NLGN3: variants seen among roughly 807,000 people sequenced by gnomAD.
NLGN3 encodes the protein neuroligin-3.
In NLGN3, 11 loss-of-function variants were observed where a neutral mutation model predicts 42.9. That is an observed-to-expected ratio of 0.26 (90% CI 0.16 to 0.42). The LOEUF (loss-of-function observed/expected upper bound fraction) is 0.42, where lower values mean the gene tolerates loss of function less well. Among genes scored for constraint, NLGN3 ranks in the 10% least tolerant of loss-of-function variants. NLGN3 has a pLI of 1.00. For synonymous variants in NLGN3, 279 were observed against 312.7 expected (o/e 0.89, Z 1.14); for missense variants, 374 against 733.8 (o/e 0.51, Z 5.67).
At chrX:71,154,567 A>G (rs750399228) in intron 4 of NLGN3, among the ~76,000 whole-genome samples, 34 of 111,843 alleles carry the variant, frequency 3.0e-4, no homozygotes, top group African/African-American at 8.8e-4. Flanking sequence ...CCCATCCCCA[A>G]TGCTTCTGGT....
chrX:71,158,155 G>A (rs932552999), intron 5 of NLGN3, among the ~76,000 whole-genome samples: 8 of 109,682 alleles, frequency 7.3e-5, no homozygotes, highest in Admixed American at 3.9e-4. Context: ...ATGGCTCATC[G>A]CAGCCTCGAC....
At position 71,170,931 on chromosome X, in the gene NLGN3, G is replaced by A. The variant is rs1411214374; in HGVS notation, c.*834G>A. The A allele has an allele frequency of 1.3e-6, 1 of 753,143 alleles. No homozygotes were observed. Among genetic ancestry groups the A allele is most frequent in the Non-Finnish European group, 1.6e-6 (1 of 639,121 alleles). The allele number at this position is 753,143 out of a possible 1,213,427, so 62.1% of individuals were successfully genotyped here. On this transcript the variant is annotated 3_prime_UTR_variant, in exon 8 of 8. Transcript: ENST00000358741. ...ATTTGGTGAACAACGTACTATGGAAGCCACATCACTATTGGGCCCCCAGGT... is the reference window on the plus strand; with the variant it reads ...ATTTGGTGAACAACGTACTATGGAAACCACATCACTATTGGGCCCCCAGGT...
chrX:71,159,198 G>A (rs1029012196), intron 5 of NLGN3, among the ~76,000 whole-genome samples: 4 of 110,513 alleles, frequency 3.6e-5, no homozygotes, highest in Non-Finnish European at 1.9e-5. Flanking sequence ...GCATGCGCCC[G>A]TAGTCCCAGC....
At chrX:71,166,502 A>G (rs1260340043) in intron 6 of NLGN3, among the ~76,000 whole-genome samples, 2 of 110,062 alleles carry the variant, frequency 1.8e-5, no homozygotes, top group Non-Finnish European at 3.8e-5. Flanking sequence ...ACAGACGGGG[A>G]GCACAGGTTC....
In NLGN3 at chrX:71,170,899, A is replaced by C. The variant is rs2092469469; in HGVS notation, c.*802A>C. On this transcript the variant is annotated 3_prime_UTR_variant, in exon 8 of 8. Transcript: ENST00000358741. ...AGCATTGGCCTGGCCAGACCAGGTG[A>C]CCTTAGATTTGGTGAACAACGTACT... The C allele has an allele frequency of 4.0e-6, 3 of 753,032 alleles. No homozygotes were observed. The allele number at this position is 753,032 out of a possible 1,213,427, so 62.1% of individuals were successfully genotyped here.
downstream of NLGN3, among the ~76,000 whole-genome samples, chrX:71,175,128 T>G (rs2092475912): frequency 9.0e-6 from 1 of 111,352 alleles, no homozygotes; most frequent in African/African-American, 3.3e-5. Context: ...CAGGAGAAAT[T>G]TGTCTACTGT....
chrX:71,161,944 G>C (rs1025556213), intron 5 of NLGN3, among the ~76,000 whole-genome samples: 9 of 112,192 alleles, frequency 8.0e-5, no homozygotes, highest in African/African-American at 2.3e-4. Flanking sequence ...ATGATGCCTT[G>C]GCAAAGGCTG....
At chrX:71,156,098 C>G (rs756386718) in intron 5 of NLGN3, among the ~76,000 whole-genome samples, 2 of 110,420 alleles carry the variant, frequency 1.8e-5, no homozygotes, top group African/African-American at 3.3e-5. Context: ...GCATACACAC[C>G]CACACTCACA....
chrX:71,167,214 G>A lies in NLGN3; in HGVS notation c.1117G>A (p.Ala373Thr). 8.3e-7 allele frequency: 1 copy of A among 1,211,752 alleles called. No homozygotes were observed. Among genetic ancestry groups the A allele is most frequent in the Non-Finnish European group, 1.1e-6 (1 of 895,415 alleles). The change falls in exon 7 of 8, where the codon GCC becomes ACC. Residue 373 changes from alanine (A) to threonine (T), a missense_variant. By Grantham distance (58) the Ala-to-Thr change is moderately conservative (BLOSUM62 0). Coordinates refer to ENST00000358741, the MANE Select transcript of NLGN3 (RefSeq NM_181303.2). The part of the protein sequence containing the change: ...QDIQPARYHV[A>T]FGPVIDGDVI... ...CATCCAGCCAGCCCGCTACCACGTG[G>A]CCTTTGGCCCTGTGATTGATGGTGA... is the stretch of plus-strand genomic sequence containing the variant.
At chrX:71,153,273 C>G (rs2092397162) in intron 3 of NLGN3, among the ~76,000 whole-genome samples, 1 of 112,941 alleles carries the variant, frequency 8.9e-6, no homozygotes, top group South Asian at 3.6e-4. Flanking sequence ...GCCAGCACAG[C>G]AGGGGCCTGC....
intron 7 of NLGN3, among the ~76,000 whole-genome samples, chrX:71,168,541 G>A (rs917360733): frequency 9.2e-6 from 1 of 109,064 alleles, no homozygotes; most frequent in African/African-American, 3.3e-5. Context: ...AACCAGCCTG[G>A]CCAACATGGT....
Position 71,148,153 on chromosome X carries a change from A to G in NLGN3, c.404A>G (p.Gln135Arg). The G allele has an allele frequency of 8.3e-7, 1 of 1,211,305 alleles. No homozygotes were observed. Among genetic ancestry groups the G allele is most frequent in the Non-Finnish European group, 1.1e-6 (1 of 895,324 alleles). Residue 135 changes from glutamine (Q) to arginine (R), a missense_variant, in exon 2 of 8, where the codon CAG (glutamine) becomes CGG (arginine). Around this residue, in one of 6 missense-constraint regions of NLGN3, gnomAD observed 109 missense variants for 173.3 expected, o/e 0.63. Transcript: ENST00000358741. Reference sequence around the variant, plus strand: ...TTGGATATCGTCGCTACTTACATCCAGGAGCCCAACGAAGACTGTCTCTAC... The same window carrying G: ...TTGGATATCGTCGCTACTTACATCCGGGAGCCCAACGAAGACTGTCTCTAC... ...ANLDIVATYI[Q>R]EPNEDCLYLN...
intron 3 of NLGN3, among the ~76,000 whole-genome samples, chrX:71,152,134 G>A (rs2092393343): frequency 9.0e-6 from 1 of 111,025 alleles, no homozygotes; most frequent in South Asian, 3.8e-4. Context: ...CAGGCTGAGG[G>A]TATCTGATGT....
At chrX:71,149,832 CAAAA>C (rs1319970080) in intron 3 of NLGN3, among the ~76,000 whole-genome samples, 2 of 110,341 alleles carry the variant, frequency 1.8e-5, no homozygotes, top group Admixed American at 9.6e-5. Context: ...CTCCCCAACT[CAAAA>C]AAAATGGTGA....
chrX:71,173,222 CTATTTTGGGAAGA>C (rs1264942297), downstream of NLGN3, among the ~76,000 whole-genome samples: 3 of 111,241 alleles, frequency 2.7e-5, no homozygotes, highest in African/African-American at 9.8e-5. Context: ...GGAGTGCTCT[CTATTTTGGGAAGA>C]TTTAGACACT....
chrX:71,148,566 C>T (rs1160147989), intron 2 of NLGN3, among the ~76,000 whole-genome samples: 4 of 111,617 alleles, frequency 3.6e-5, no homozygotes, highest in African/African-American at 6.5e-5. Flanking sequence ...CCACCTGCTT[C>T]GAAAGGTGGT....
intron 3 of NLGN3, among the ~76,000 whole-genome samples, chrX:71,152,833 G>A (rs1287043822): frequency 9.0e-6 from 1 of 110,727 alleles, no homozygotes; most frequent in Non-Finnish European, 1.9e-5. Context: ...TGGTTCCTGT[G>A]GGCAGGAACC....
Position 71,149,066 on chromosome X carries a change from A to T in NLGN3, c.517+161A>T, listed in dbSNP as rs190105583. Among the ~76,000 whole-genome samples, 14 of 111,382 alleles carry T rather than the reference A, an allele frequency of 1.3e-4. No homozygotes were observed. In the East Asian group the frequency reaches 4.0e-3, roughly 32 times the overall value. On this transcript the variant is annotated intron_variant, in intron 3 of 7. Coordinates refer to ENST00000358741, the MANE Select transcript of NLGN3 (RefSeq NM_181303.2). ...CATCTGAGGGCCCTGGCTGCCTTGCAGGGAGGATTTGGTGGCCTAAGGCAG... is the reference window on the plus strand; with the variant it reads ...CATCTGAGGGCCCTGGCTGCCTTGCTGGGAGGATTTGGTGGCCTAAGGCAG...
chrX:71,160,860 C>T (rs1296201703), intron 5 of NLGN3, among the ~76,000 whole-genome samples: 7 of 112,377 alleles, frequency 6.2e-5, no homozygotes, highest in African/African-American at 1.9e-4. Context: ...CTTCTGTTGA[C>T]GAGCAGTTTA....
Sources: gnomAD v4.1 joint callset for allele counts (sites outside exome capture counted in the v4.1 genomes callset) on GRCh38, gnomAD v4.1.1 for gene constraint, gnomAD v4.1.1 regional missense constraint, MANE v1.5 for transcripts, NCBI Gene and HGNC (gene_info 2026-07-23, HGNC 2026-07-21) for gene names.